PRR14L: variants seen among roughly 807,000 people sequenced by gnomAD.
PRR14L encodes the protein protein PRR14L.
PRR14L carries 80 observed loss-of-function variants against 155.0 expected under a neutral mutation model. The observed-to-expected ratio is 0.52, with a 90% confidence interval of 0.43 to 0.62. PRR14L has a LOEUF of 0.62. Among genes scored for constraint, PRR14L ranks in the 20% least tolerant of loss-of-function variants. PRR14L has a pLI of 0.00. For missense variants in PRR14L, 2,469 were observed against 2,548.0 expected (o/e 0.97, Z 0.67); for synonymous variants, 883 against 916.0 (o/e 0.96, Z 0.65).
intron 7 of PRR14L, among the ~76,000 whole-genome samples, chr22:31,690,288 A>G (rs139876518): frequency 1.3e-5 from 2 of 152,126 alleles, no homozygotes; most frequent in African/African-American, 4.8e-5. Context: ...ACCTCAGGTG[A>G]TCCACCCACC....
intron 8 of PRR14L, among the ~76,000 whole-genome samples, chr22:31,687,042 CTT>C (rs1474143829): frequency 1.3e-5 from 2 of 151,822 alleles, no homozygotes; most frequent in Non-Finnish European, 2.9e-5. Context: ...CTTCTTTTTT[CTT>C]TTTCATTTTT....
At chr22:31,743,952 T>C (rs1346515381) in intron 1 of PRR14L, among the ~76,000 whole-genome samples, 1 of 151,354 alleles carries the variant, frequency 6.6e-6, no homozygotes, top group Non-Finnish European at 1.5e-5. Flanking sequence ...TGAGTCTTTC[T>C]ACACGCAAAC....
At chr22:31,736,982 G>A (rs1601516631) in intron 2 of PRR14L, among the ~76,000 whole-genome samples, 1 of 139,700 alleles carries the variant, frequency 7.2e-6, no homozygotes, top group South Asian at 2.4e-4. Context: ...AGGTTGCAGT[G>A]AGGCAAGATC....
intron 7 of PRR14L, among the ~76,000 whole-genome samples, chr22:31,694,776 A>T (rs574904047): frequency 6.9e-6 from 1 of 145,498 alleles, no homozygotes; most frequent in East Asian, 2.1e-4. Flanking sequence ...CAAAAACAGA[A>T]AAAAAAAAAG....
chr22:31,733,459 T>G (rs968165336), intron 2 of PRR14L, among the ~76,000 whole-genome samples: 2 of 151,384 alleles, frequency 1.3e-5, no homozygotes, highest in Non-Finnish European at 2.9e-5. Context: ...CATGCATCAC[T>G]GCGCCCAGCT....
At chr22:31,702,600 C>T (rs2074568160) in intron 6 of PRR14L, among the ~76,000 whole-genome samples, 1 of 152,128 alleles carries the variant, frequency 6.6e-6, no homozygotes, top group Non-Finnish European at 1.5e-5. Context: ...ACTGCAACTT[C>T]CACCTCCTGG....
rs1323473351 is a variant in PRR14L, at chr22:31,712,760, G to A, written c.5079C>T (p.Leu1693=). 2.5e-5 allele frequency: 39 copies of A among 1,551,722 alleles called. No individual in the cohort carries two copies. Among genetic ancestry groups the A allele is most frequent in the Non-Finnish European group, 3.1e-5 (36 of 1,147,036 alleles). Residue 1693 remains leucine, a synonymous_variant, in exon 4 of 9, where the codon CTC becomes CTT. Coordinates refer to ENST00000327423, the MANE Select transcript of PRR14L (RefSeq NM_173566.3). The stretch of plus-strand genomic sequence containing the variant: ...CTATGAAGGTCATCTTGATGGATTC[G>A]AGAGAATAAAGTGCCATGGGCTTAC... ...PNSKPMALYS[L]ESIKMTFIDL... is the part of the protein sequence containing the mutation.
chr22:31,742,025 T>G (rs942710571), intron 1 of PRR14L, among the ~76,000 whole-genome samples: 4 of 152,216 alleles, frequency 2.6e-5, no homozygotes, highest in Admixed American at 6.5e-5. Flanking sequence ...TTAGTAGAGA[T>G]AACGTGGAGT....
chr22:31,746,770 A>G (rs1251973947), intron 1 of PRR14L, among the ~76,000 whole-genome samples: 2 of 151,546 alleles, frequency 1.3e-5, no homozygotes, highest in Non-Finnish European at 2.9e-5. Flanking sequence ...TTCTTTGCAA[A>G]CGCACAAATA....
intron 6 of PRR14L, among the ~76,000 whole-genome samples, chr22:31,703,044 G>A (rs548574972): frequency 6.0e-5 from 9 of 151,088 alleles, no homozygotes; most frequent in African/African-American, 2.2e-4. Context: ...TTGAACTCCT[G>A]GACTCAAGCG....
chr22:31,725,922 G>A (rs1029523817), intron 2 of PRR14L, among the ~76,000 whole-genome samples: 11 of 151,996 alleles, frequency 7.2e-5, no homozygotes, highest in East Asian at 3.9e-4. Context: ...GCCCGCCTCC[G>A]CCTCCCAAAG....
At chr22:31,734,724 A>G (rs80212267) in intron 2 of PRR14L, among the ~76,000 whole-genome samples, 1,646 of 152,312 alleles carry the variant, frequency 0.011, 28 homozygotes, top group African/African-American at 0.036. Flanking sequence ...CTCCAGATGC[A>G]TATTTTCAGG....
At chr22:31,737,405 T>C (rs1366114554) in intron 2 of PRR14L, among the ~76,000 whole-genome samples, 1 of 151,468 alleles carries the variant, frequency 6.6e-6, no homozygotes, top group Non-Finnish European at 1.5e-5. Flanking sequence ...CGCTTGAACC[T>C]GGGAGGCAGA....
Position 31,713,138 on chromosome 22 carries a change from C to T in PRR14L, c.4701G>A (p.Leu1567=). The part of the protein sequence containing the change: ...IPTKAHRLLS[L]CTLSAPTRLE... ...ATCGTGTAGGTGCAGACAGAGTACACAAACTGAGAAGTCTGTGCGCTTTTG... is the reference window on the plus strand; with the variant it reads ...ATCGTGTAGGTGCAGACAGAGTACATAAACTGAGAAGTCTGTGCGCTTTTG... Residue 1567 remains leucine (L), a synonymous_variant, in exon 4 of 9, where the codon TTG becomes TTA. Coordinates refer to ENST00000327423, the MANE Select transcript of PRR14L (RefSeq NM_173566.3). The T allele has an allele frequency of 6.4e-7, 1 of 1,552,128 alleles. No individual in the cohort carries two copies. Among genetic ancestry groups the T allele is most frequent in the Non-Finnish European group, 8.7e-7 (1 of 1,147,098 alleles).
chr22:31,739,192 A>G (rs1350026611), intron 1 of PRR14L, among the ~76,000 whole-genome samples: 6 of 152,252 alleles, frequency 3.9e-5, no homozygotes, highest in African/African-American at 1.4e-4. Flanking sequence ...GTAGAAGAGA[A>G]TAAGACATGC....
In PRR14L at chr22:31,713,912, G is replaced by T; in HGVS notation, c.3927C>A (p.Cys1309Ter). The change falls in exon 4 of 9, where the codon TGC becomes TGA. Residue 1309 changes from cysteine to a stop codon, truncating the protein, a stop_gained. Transcript: ENST00000327423. LOFTEE classifies it high-confidence loss of function. Reference sequence around the variant, plus strand: ...AATTCTCGTGAGGGTGACAAGCTTTGCAAGCATTCTTTTCCACACAGGTAC... The same window carrying T: ...AATTCTCGTGAGGGTGACAAGCTTTTCAAGCATTCTTTTCCACACAGGTAC... Reference protein sequence around the residue: ...SVCTCVEKNACKACHPHENSS... With the variant: ...SVCTCVEKNA 1 of 1,551,894 alleles carries T rather than the reference G, an allele frequency of 6.4e-7. No homozygotes were observed. Among genetic ancestry groups the T allele is most frequent in the Non-Finnish European group, 8.7e-7 (1 of 1,147,026 alleles).
rs1044166937 is a variant in PRR14L, at chr22:31,711,672, T to C, written c.5756+411A>G. 3.6e-4 allele frequency among the ~76,000 whole-genome samples: 53 copies of C among 147,170 alleles called. 3 individuals are homozygous for C. The highest frequency in any genetic ancestry group is 2.5e-5 in the African/African-American group (1 of 39,636). ...GGTGGCGCATGCCTGTAATCCCAGC[T>C]ACTCAGGAGGCTGAAGGAGGAGAAT... On this transcript the variant is annotated intron_variant, in intron 4 of 8. Transcript: ENST00000327423.
At chr22:31,707,391 T>A (rs1309275641) in intron 4 of PRR14L, among the ~76,000 whole-genome samples, 1 of 152,072 alleles carries the variant, frequency 6.6e-6, no homozygotes, top group African/African-American at 2.4e-5. Flanking sequence ...ACAACCTATT[T>A]TTTTTGGGAG....
intron 6 of PRR14L, among the ~76,000 whole-genome samples, chr22:31,702,575 G>A (rs1466239255): frequency 6.6e-6 from 1 of 152,014 alleles, no homozygotes; most frequent in Non-Finnish European, 1.5e-5. Context: ...GAGTGTGGTG[G>A]TGCAATCCAG....
Sources: gnomAD v4.1 joint callset for allele counts (sites outside exome capture counted in the v4.1 genomes callset) on GRCh38, gnomAD v4.1.1 for gene constraint, MANE v1.5 for transcripts, NCBI Gene and HGNC (gene_info 2026-07-23, HGNC 2026-07-21) for gene names.